CGGBP1: variants seen among roughly 807,000 people sequenced by gnomAD.
CGGBP1 encodes CGG triplet repeat-binding protein 1.
A neutral mutation model predicts 11.4 loss-of-function variants in CGGBP1; 4 were observed. The observed-to-expected ratio is 0.35, with a 90% CI of 0.17 to 0.80. The LOEUF is 0.80. Among genes scored for constraint, CGGBP1 ranks in the 30% least tolerant of loss-of-function variants. CGGBP1 has a pLI of 0.52. For missense variants in CGGBP1, 135 were observed against 202.1 expected, an observed-to-expected ratio of 0.67 and a Z score of 2.01; for synonymous variants, 76 against 74.1, an observed-to-expected ratio of 1.03 and a Z score of -0.13.
In CGGBP1 at chr3:88,054,413, A is replaced by G. The variant is rs953810912; in HGVS notation, c.*1060T>C. Reference sequence around the variant, plus strand: ...TATGCAGGATACTGCCAGATCTCCAATACAAAAAACCTGCCAGAATTTCTA... The same window carrying G: ...TATGCAGGATACTGCCAGATCTCCAGTACAAAAAACCTGCCAGAATTTCTA... On this transcript the variant is annotated 3_prime_UTR_variant, in exon 4 of 4. Coordinates refer to ENST00000482016, the MANE Select transcript of CGGBP1 (RefSeq NM_001008390.2). 3 of 152,164 alleles carry G rather than the reference A, an allele frequency of 2.0e-5. No homozygotes were observed. Among genetic ancestry groups the G allele is most frequent in the African/African-American group, 7.2e-5 (3 of 41,436 alleles). 9.4% of individuals were successfully genotyped at this position (152,164 alleles called of 1,614,324 possible).
intron 2 of CGGBP1, among the ~76,000 whole-genome samples, chr3:88,078,920 A>G (rs1298576245): frequency 6.6e-6 from 1 of 152,014 alleles, no homozygotes; most frequent in Admixed American, 6.6e-5. Flanking sequence ...TTTTTTTTGT[A>G]TACAACTTTG....
chr3:88,064,795 G>A (rs1438016301), intron 2 of CGGBP1, among the ~76,000 whole-genome samples: 1 of 152,132 alleles, frequency 6.6e-6, no homozygotes, highest in African/African-American at 2.4e-5. Flanking sequence ...TTTTCAAGTA[G>A]GATCAGACGT....
At chr3:88,147,204 G>C (rs1707327991) in intron 1 of CGGBP1, among the ~76,000 whole-genome samples, 1 of 152,174 alleles carries the variant, frequency 6.6e-6, no homozygotes, top group Non-Finnish European at 1.5e-5. Context: ...CAAACATACA[G>C]TATGTTTTTT....
intron 2 of CGGBP1, chr3:88,128,998 A>C: frequency 6.5e-7 from 1 of 1,533,006 alleles, no homozygotes; most frequent in Non-Finnish European, 8.7e-7. Context: ...GTAGAAGATC[A>C]GCTATTCCGG....
intron 1 of CGGBP1, chr3:88,141,195 C>A: frequency 1.1e-6 from 1 of 880,738 alleles, no homozygotes; most frequent in Non-Finnish European, 1.7e-6. Context: ...TCCTTTAATA[C>A]ATACAACCAC....
chr3:88,072,444 C>G (rs1050561584), intron 2 of CGGBP1, among the ~76,000 whole-genome samples: 2 of 152,180 alleles, frequency 1.3e-5, no homozygotes, highest in Non-Finnish European at 2.9e-5. Context: ...CCATCTAGCT[C>G]TGTGACTTTT....
chr3:88,066,403 A>C (rs1031469063), intron 2 of CGGBP1, among the ~76,000 whole-genome samples: 1 of 151,914 alleles, frequency 6.6e-6, no homozygotes, highest in Admixed American at 6.6e-5. Context: ...GTGAAACCCT[A>C]TCTCTACAAA....
At chr3:88,149,792 TG>T in exon 1 of CGGBP1, 1 of 444,404 alleles carries the variant, frequency 2.3e-6, no homozygotes, top group Non-Finnish European at 4.2e-6. Flanking sequence ...GGATAGTCTA[TG>T]TTCTCCATAT....
upstream of CGGBP1, among the ~76,000 whole-genome samples, chr3:88,060,349 T>A (rs1405109112): frequency 6.6e-6 from 1 of 152,218 alleles, no homozygotes; most frequent in East Asian, 1.9e-4. Flanking sequence ...GTGTTTGTAA[T>A]CAAATATAAC....
At chr3:88,122,360 C>T (rs1227393895) in intron 2 of CGGBP1, among the ~76,000 whole-genome samples, 3 of 152,110 alleles carry the variant, frequency 2.0e-5, no homozygotes, top group African/African-American at 4.8e-5. Context: ...AGTGGTAAGA[C>T]TTTCATCCTA....
intron 2 of CGGBP1, among the ~76,000 whole-genome samples, chr3:88,097,441 A>C (rs1309957582): frequency 6.6e-6 from 1 of 152,124 alleles, no homozygotes; most frequent in Non-Finnish European, 1.5e-5. Context: ...AAGGTTAACA[A>C]GGATATCTGG....
At chr3:88,095,656 G>T (rs549827395) in intron 2 of CGGBP1, 3 of 480,556 alleles carry the variant, frequency 6.2e-6, no homozygotes, top group South Asian at 3.1e-5. Context: ...TCATCACTCT[G>T]TTCTCTTTTT....
At chr3:88,105,149 C>T (rs1217358332) in intron 2 of CGGBP1, among the ~76,000 whole-genome samples, 1 of 152,030 alleles carries the variant, frequency 6.6e-6, no homozygotes. Flanking sequence ...AGAAAACAAA[C>T]ATAAATTACA....
At chr3:88,142,659 T>C (rs78489599) in intron 1 of CGGBP1, 9,202 of 152,334 alleles carry the variant, frequency 0.06, 811 homozygotes, top group African/African-American at 0.19. Context: ...AAGAATCAGG[T>C]TGAGAAATCA....
rs541140906 is a variant in CGGBP1 at position 88,121,416 on chromosome 3, A to C, written c.-229+19554T>G. Among the ~76,000 whole-genome samples, 50 of 152,268 alleles carry C rather than the reference A, an allele frequency of 3.3e-4. 1 individual carries two copies. In the South Asian group the frequency reaches 9.9e-3, roughly 30 times the overall value. The stretch of plus-strand genomic sequence containing the variant: ...CATGTAATAAATGCAGATACTTCCA[A>C]ATGTTCATTTTAAATCATTTTCTTT... On this transcript the variant is annotated intron_variant, in intron 2 of 3. Transcript: ENST00000462901.
intron 2 of CGGBP1, among the ~76,000 whole-genome samples, chr3:88,136,909 T>A (rs1706819154): frequency 6.6e-6 from 1 of 152,082 alleles, no homozygotes; most frequent in Non-Finnish European, 1.5e-5. Context: ...AGATAGAGGA[T>A]GTAGGCTGGG....
At chr3:88,142,908 A>T (rs1218002633) in intron 1 of CGGBP1, 3 of 152,312 alleles carry the variant, frequency 2.0e-5, no homozygotes, top group Admixed American at 6.6e-5. Flanking sequence ...AAATATTTTT[A>T]AAAATACCCT....
At chr3:88,098,888 G>T (rs560126151) in intron 2 of CGGBP1, among the ~76,000 whole-genome samples, 210 of 152,234 alleles carry the variant, frequency 1.4e-3, no homozygotes, top group Non-Finnish European at 2.6e-3. Flanking sequence ...CATACTGAAT[G>T]GGCAAAAACT....
At chr3:88,069,010 G>A (rs1265236601) in intron 2 of CGGBP1, among the ~76,000 whole-genome samples, 1 of 152,154 alleles carries the variant, frequency 6.6e-6, no homozygotes, top group Non-Finnish European at 1.5e-5. Context: ...TTTTGATTGA[G>A]TGGAAGCAGT....
Sources: gnomAD v4.1 joint callset for allele counts (sites outside exome capture counted in the v4.1 genomes callset) on GRCh38, gnomAD v4.1.1 for gene constraint, MANE v1.5 for transcripts, NCBI Gene and HGNC (gene_info 2026-07-23, HGNC 2026-07-21) for gene names.